The following HTT-AS variants were observed in gnomAD, a reference collection of about 807,000 sequenced individuals.
The protein encoded by HTT-AS is HTT antisense RNA.
intron 2 of HTT-AS, among the ~76,000 whole-genome samples, chr4:3,060,027 T>G (rs906699738): frequency 1.3e-5 from 2 of 151,878 alleles, no homozygotes; most frequent in Admixed American, 6.6e-5. Flanking sequence ...GTTCCAGTGA[T>G]TCTCCTGCGT....
intron 2 of HTT-AS, among the ~76,000 whole-genome samples, chr4:3,058,336 A>G (rs1031717041): frequency 6.6e-6 from 1 of 152,084 alleles, no homozygotes; most frequent in Non-Finnish European, 1.5e-5. Context: ...CAAAAGAAAA[A>G]AAAAAAATAG....
At chr4:3,047,578 C>T (rs756112617), downstream of HTT-AS, among the ~76,000 whole-genome samples, 1 of 152,218 alleles carries the variant, frequency 6.6e-6, no homozygotes, top group Admixed American at 6.5e-5. Flanking sequence ...AGAGGGCTCC[C>T]TGGTCTAGTG....
At chr4:3,064,400 C>T (rs1712004356) in intron 1 of HTT-AS, among the ~76,000 whole-genome samples, 2 of 152,068 alleles carry the variant, frequency 1.3e-5, no homozygotes, top group Admixed American at 6.6e-5. Context: ...GGCCAAAAGA[C>T]ATTGTTCTTA....
At chr4:3,074,608 G>T (rs1712350879), upstream of HTT-AS, 3 of 430,600 alleles carry the variant, frequency 7.0e-6, no homozygotes, top group African/African-American at 4.2e-5. Flanking sequence ...CATGCTGGCC[G>T]GCGTGGCCCC....
chr4:3,047,268 G>A (rs916924995), downstream of HTT-AS, among the ~76,000 whole-genome samples: 20 of 152,108 alleles, frequency 1.3e-4, no homozygotes, highest in Admixed American at 3.9e-4. Flanking sequence ...CCGAGATTGC[G>A]CCACTGCCCT....
intron 2 of HTT-AS, among the ~76,000 whole-genome samples, chr4:3,056,330 C>A (rs527801287): frequency 3.9e-5 from 6 of 152,198 alleles, no homozygotes; most frequent in African/African-American, 1.2e-4. Flanking sequence ...AGACAAAAAA[C>A]GGGAAGTGAC....
intron 2 of HTT-AS, among the ~76,000 whole-genome samples, chr4:3,053,910 C>A (rs2110120743): frequency 6.6e-6 from 1 of 152,036 alleles, no homozygotes; most frequent in Middle Eastern, 3.4e-3. Flanking sequence ...TAGGCATATG[C>A]CACCATGCCC....
chr4:3,074,214 C>T (rs1427346374), intron 1 of HTT-AS, among the ~76,000 whole-genome samples: 1 of 129,720 alleles, frequency 7.7e-6, no homozygotes, highest in East Asian at 2.3e-4. Context: ...ATGTCCCCGT[C>T]CCCAGCATCG....
chr4:3,065,898 A>G (rs375053775), intron 1 of HTT-AS, among the ~76,000 whole-genome samples: 5 of 152,232 alleles, frequency 3.3e-5, no homozygotes, highest in African/African-American at 9.6e-5. Context: ...TCATCAAGTC[A>G]AAAAATTTTA....
intron 1 of HTT-AS, among the ~76,000 whole-genome samples, chr4:3,065,194 G>A (rs1184415072): frequency 6.6e-6 from 1 of 151,948 alleles, no homozygotes; most frequent in Admixed American, 6.6e-5. Context: ...GGCACACGCT[G>A]GAGGGAATAA....
chr4:3,052,991 T>C (rs940292407), intron 2 of HTT-AS, among the ~76,000 whole-genome samples: 4 of 151,034 alleles, frequency 2.6e-5, no homozygotes, highest in Non-Finnish European at 5.9e-5. Flanking sequence ...CAAGACTCCG[T>C]CTCAAAAAAA....
intron 1 of HTT-AS, among the ~76,000 whole-genome samples, chr4:3,067,311 C>T (rs771944218): frequency 3.9e-5 from 6 of 152,138 alleles, no homozygotes; most frequent in Non-Finnish European, 7.4e-5. Flanking sequence ...GTTTCAAGGA[C>T]GGTGACTGAG....
chr4:3,069,118 G>A (rs2110124906), intron 1 of HTT-AS, among the ~76,000 whole-genome samples: 1 of 151,886 alleles, frequency 6.6e-6, no homozygotes. Flanking sequence ...TAATTTCTAG[G>A]GTGACCATGA....
intron 2 of HTT-AS, among the ~76,000 whole-genome samples, chr4:3,060,859 G>T (rs1560530405): frequency 6.6e-6 from 1 of 152,186 alleles, no homozygotes; most frequent in Non-Finnish European, 1.5e-5. Flanking sequence ...CAGCTTCTTT[G>T]CATGCTATGT....
intron 2 of HTT-AS, among the ~76,000 whole-genome samples, chr4:3,058,336 A>C (rs1031717041): frequency 1.3e-5 from 2 of 152,084 alleles, no homozygotes; most frequent in African/African-American, 4.8e-5. Flanking sequence ...CAAAAGAAAA[A>C]AAAAAAATAG....
At chr4:3,063,102 C>A (rs892290941) in exon 2 of HTT-AS, among the ~76,000 whole-genome samples, 2 of 152,100 alleles carry the variant, frequency 1.3e-5, no homozygotes, top group Admixed American at 1.3e-4. Flanking sequence ...GTTACACGAT[C>A]CCTGTAAGGG....
At chr4:3,054,630 A>C (rs1289924066) in intron 2 of HTT-AS, among the ~76,000 whole-genome samples, 1 of 152,194 alleles carries the variant, frequency 6.6e-6, no homozygotes, top group Non-Finnish European at 1.5e-5. Context: ...CTGTGTGTGA[A>C]CATATTGACT....
intron 2 of HTT-AS, among the ~76,000 whole-genome samples, chr4:3,057,176 G>A (rs1319877351): frequency 6.6e-6 from 1 of 152,118 alleles, no homozygotes; most frequent in Non-Finnish European, 1.5e-5. Context: ...TGGGACTACA[G>A]GCGCCTGCCA....
chr4:3,074,467 C>T, exon 1 of HTT-AS: 1 of 221,066 alleles, frequency 4.5e-6, no homozygotes, highest in Non-Finnish European at 8.7e-6. Context: ...CTCCGTTGAG[C>T]CCCGCGCCTT....
Sources: gnomAD v4.1 joint callset for allele counts (sites outside exome capture counted in the v4.1 genomes callset) on GRCh38, gnomAD v4.1.1 for gene constraint, MANE v1.5 for transcripts, NCBI Gene and HGNC (gene_info 2026-07-23, HGNC 2026-07-21) for gene names.